OLA1: variants seen among roughly 807,000 people sequenced by gnomAD.
The protein encoded by OLA1 is Obg like ATPase 1, also known as obg-like ATPase 1.
Under a neutral mutation model 48.4 loss-of-function variants are expected in OLA1, and 14 were observed. The observed-to-expected ratio is 0.29, with a 90% CI of 0.19 to 0.45. The LOEUF is 0.45. Ranked by LOEUF, OLA1 falls within the 20% of genes least tolerant of loss-of-function variation. OLA1 has a pLI of 1.00. For missense variants in OLA1, 325 were observed against 467.1 expected (o/e 0.70, Z 2.80); for synonymous variants, 127 against 150.4 (o/e 0.84, Z 1.14).
chr2:174,142,159 AT>A (rs1686468443), intron 4 of OLA1, among the ~76,000 whole-genome samples, 159 bp from the exon 5 acceptor site: 2 of 152,158 alleles, frequency 1.3e-5, no homozygotes, highest in Non-Finnish European at 2.9e-5. Context: ...CCATTTAGTA[AT>A]ACTGAGGCTA....
chr2:174,166,890 T>C (rs932897925), intron 4 of OLA1, among the ~76,000 whole-genome samples: 1 of 152,176 alleles, frequency 6.6e-6, no homozygotes, highest in East Asian at 1.9e-4. Context: ...AGGGGCCTTC[T>C]TTATGGGAAA....
intron 7 of OLA1, among the ~76,000 whole-genome samples, chr2:174,097,853 T>A (rs1055729176): frequency 2.0e-5 from 3 of 152,210 alleles, no homozygotes; most frequent in Non-Finnish European, 2.9e-5. Flanking sequence ...TGTTCTTAAT[T>A]CATCCTCTGG....
chr2:174,094,761 A>G (rs1166312124), intron 7 of OLA1, among the ~76,000 whole-genome samples: 1 of 152,240 alleles, frequency 6.6e-6, no homozygotes, highest in East Asian at 1.9e-4. Flanking sequence ...ACGGCTCTAC[A>G]GAACTTTTTC....
intron 4 of OLA1, among the ~76,000 whole-genome samples, chr2:174,185,369 CAAG>C (rs1376763372): frequency 2.0e-5 from 3 of 151,976 alleles, no homozygotes; most frequent in East Asian, 1.9e-4. Flanking sequence ...AGCCATGTGC[CAAG>C]AAGAAGGAGA....
intron 5 of OLA1, among the ~76,000 whole-genome samples, chr2:174,131,219 T>C (rs1339575523): frequency 6.6e-6 from 1 of 152,118 alleles, no homozygotes; most frequent in East Asian, 1.9e-4. Flanking sequence ...AATCACACAA[T>C]ATATATTACT....
chr2:174,100,804 A>G (rs575014326), intron 7 of OLA1, among the ~76,000 whole-genome samples: 183 of 152,302 alleles, frequency 1.2e-3, no homozygotes, highest in African/African-American at 4.2e-3. Flanking sequence ...ATTTCCACAG[A>G]AAGTTCCCCT....
At chr2:174,150,331 A>T (rs1686714305) in intron 4 of OLA1, among the ~76,000 whole-genome samples, 1 of 152,166 alleles carries the variant, frequency 6.6e-6, no homozygotes, top group South Asian at 2.1e-4. Flanking sequence ...GACTCTACAG[A>T]AAGTCCCCAC....
At chr2:174,242,896 T>G (rs867032043) in intron 2 of OLA1, among the ~76,000 whole-genome samples, 70 of 152,308 alleles carry the variant, frequency 4.6e-4, no homozygotes, top group African/African-American at 1.6e-3. Context: ...AATCTCCATA[T>G]TCTTTCTACT....
intron 7 of OLA1, among the ~76,000 whole-genome samples, chr2:174,108,067 G>C (rs1685554415): frequency 1.3e-5 from 2 of 152,014 alleles, no homozygotes; most frequent in South Asian, 4.1e-4. Context: ...AGAGAAAATA[G>C]TGACTGCAAC....
chr2:174,193,080 T>C lies in OLA1; in HGVS notation c.373+29953A>G, dbSNP rs143122120. On this transcript the variant is annotated intron_variant, in intron 4 of 10. Transcript: ENST00000284719. ...TTCTTGGTCATTATTTCTTAAAATA[T>C]TTCTTTCTTTCTTTTTTTTTTTTTT... Among the ~76,000 whole-genome samples the C allele has an allele frequency of 6.2e-4, 77 of 124,926 alleles. 2 individuals are homozygous for C. In the East Asian group the frequency reaches 0.026, roughly 42 times the overall value. The allele number at this position is 124,926 out of a possible 152,430, so 82.0% of individuals were successfully genotyped here.
At chr2:174,164,509 T>C (rs553973327) in intron 4 of OLA1, among the ~76,000 whole-genome samples, 174 of 152,304 alleles carry the variant, frequency 1.1e-3, no homozygotes, top group African/African-American at 3.8e-3. Flanking sequence ...AGAATTATAC[T>C]GCTCTAACTC....
chr2:174,079,096 A>G lies in OLA1; in HGVS notation c.967-6T>C, dbSNP rs2105338000. 1 of 1,577,490 alleles carries G rather than the reference A, an allele frequency of 6.3e-7. No homozygotes were observed. The highest frequency in any genetic ancestry group is 2.3e-5 in the East Asian group (1 of 43,760). On this transcript the variant is annotated splice_region_variant and splice_polypyrimidine_tract_variant and intron_variant, in intron 9 of 10. Coordinates refer to ENST00000284719, the MANE Select transcript of OLA1 (RefSeq NM_013341.5). ...TGAGGAGCCTTAGTCCCTTTCTTTG[A>G]AAAGAAAGACCAGAGAAAACTAATT...
At chr2:174,112,475 T>C (rs931148492) in intron 7 of OLA1, among the ~76,000 whole-genome samples, 7 of 152,216 alleles carry the variant, frequency 4.6e-5, no homozygotes, top group Admixed American at 3.9e-4. Context: ...TTATCTGCCA[T>C]TGCTCTACCT....
intron 7 of OLA1, among the ~76,000 whole-genome samples, chr2:174,099,340 G>C (rs1413473958): frequency 2.0e-5 from 3 of 152,058 alleles, no homozygotes; most frequent in Non-Finnish European, 4.4e-5. Context: ...ATTTTTAGTA[G>C]ACACAGGGCT....
At chr2:174,210,787 T>G (rs1366576213) in intron 4 of OLA1, among the ~76,000 whole-genome samples, 1 of 152,240 alleles carries the variant, frequency 6.6e-6, no homozygotes, top group African/African-American at 2.4e-5. Flanking sequence ...TAAGTGATTC[T>G]GCACTGCATA....
chr2:174,184,727 G>A (rs1449005235), intron 4 of OLA1, among the ~76,000 whole-genome samples: 4 of 152,114 alleles, frequency 2.6e-5, no homozygotes, highest in Admixed American at 6.5e-5. Context: ...ATGAGAACTC[G>A]ATGTATCATC....
intron 3 of OLA1, among the ~76,000 whole-genome samples, chr2:174,225,454 G>A (rs1002655366): frequency 2.6e-5 from 4 of 152,108 alleles, no homozygotes; most frequent in African/African-American, 9.7e-5. Flanking sequence ...GGAGGCTGGG[G>A]CAGGAAATCA....
intron 4 of OLA1, among the ~76,000 whole-genome samples, chr2:174,181,614 AGAGTATAT>A (rs1238768475): frequency 6.6e-6 from 1 of 151,710 alleles, no homozygotes; most frequent in African/African-American, 2.4e-5. Flanking sequence ...AGGGAAAGGT[AGAGTATAT>A]GATGCAAGTG....
intron 4 of OLA1, among the ~76,000 whole-genome samples, chr2:174,171,188 T>C (rs557270135): frequency 6.6e-6 from 1 of 152,214 alleles, no homozygotes; most frequent in East Asian, 1.9e-4. Context: ...GAACTGGAGA[T>C]CTTAACGCCC....
Sources: gnomAD v4.1 joint callset for allele counts (sites outside exome capture counted in the v4.1 genomes callset) on GRCh38, gnomAD v4.1.1 for gene constraint, MANE v1.5 for transcripts, NCBI Gene and HGNC (gene_info 2026-07-23, HGNC 2026-07-21) for gene names.